CERS3: variants seen among roughly 807,000 people sequenced by gnomAD.
CERS3 encodes ceramide synthase 3, also known as LAG1 homolog, ceramide synthase 3.
CERS3 carries 33 observed loss-of-function variants against 50.3 expected under a neutral mutation model. That is an observed-to-expected ratio of 0.66 (90% CI 0.50 to 0.88). The LOEUF (loss-of-function observed/expected upper bound fraction) is 0.88. CERS3 is among the 40% of genes least tolerant of loss of function. The probability of loss-of-function intolerance (pLI) is 0.00; values close to 1 mark genes in which losing one functional copy is unlikely to be tolerated. For missense variants in CERS3, 470 were observed against 460.3 expected (o/e 1.02, Z -0.19); for synonymous variants, 176 against 155.2 (o/e 1.13, Z -0.99).
At chr15:100,497,302 A>ATGTGTGTGTGTGTG (rs1236454887) in intron 3 of CERS3, among the ~76,000 whole-genome samples, 1 of 133,524 alleles carries the variant, frequency 7.5e-6, no homozygotes, top group African/African-American at 2.8e-5. Flanking sequence ...GAGAGCATAT[A>ATGTGTGTGTGTGTG]TGTATGTGTG....
chr15:100,474,349 T>C lies in CERS3; in HGVS notation c.610-1297A>G, dbSNP rs146279177. 2.8e-3 allele frequency among the ~76,000 whole-genome samples: 431 copies of C among 152,296 alleles called. 1 individual carries two copies. Among genetic ancestry groups the C allele is most frequent in the Non-Finnish European group, 5.4e-3 (368 of 68,028 alleles). ...TCAGCTTCCTCATAGCCAAAGTAAATACAATACCAATAATAGCTCAATTTA... is the reference window on the plus strand; with the variant it reads ...TCAGCTTCCTCATAGCCAAAGTAAACACAATACCAATAATAGCTCAATTTA... On this transcript the variant is annotated intron_variant, in intron 8 of 11. Coordinates refer to ENST00000679737, the MANE Select transcript of CERS3 (RefSeq NM_001378789.1).
rs1169074112 is a variant in CERS3 at position 100,401,100 on chromosome 15, C to T, written c.*1613G>A. 6.6e-6 allele frequency: 1 copy of T among 152,138 alleles called. No homozygotes were observed. Among genetic ancestry groups the T allele is most frequent in the Non-Finnish European group, 1.5e-5 (1 of 68,044 alleles). 9.4% of individuals were successfully genotyped at this position (152,138 alleles called of 1,614,324 possible). On this transcript the variant is annotated 3_prime_UTR_variant, in exon 12 of 12. Coordinates refer to ENST00000679737, the MANE Select transcript of CERS3 (RefSeq NM_001378789.1). ...AACGCAGTCTGTTCTGTGCAGTGTC[C>T]TTCCGGCTCCAGGGGCCCTGCAGCT... is the stretch of plus-strand genomic sequence containing the variant.
At chr15:100,414,177 C>T (rs2031713769) in intron 11 of CERS3, among the ~76,000 whole-genome samples, 1 of 152,112 alleles carries the variant, frequency 6.6e-6, no homozygotes, top group Admixed American at 6.5e-5. Context: ...CTGTCATTCA[C>T]AATTGCTACA....
chr15:100,497,306 ATGTGTG>A (rs139734142), intron 3 of CERS3, among the ~76,000 whole-genome samples: 24 of 145,948 alleles, frequency 1.6e-4, no homozygotes, highest in East Asian at 8.1e-4. Flanking sequence ...GCATATATGT[ATGTGTG>A]TGTGTGTGTG....
At chr15:100,512,926 CA>C (rs2036388516) in intron 2 of CERS3, among the ~76,000 whole-genome samples, 3 of 152,144 alleles carry the variant, frequency 2.0e-5, no homozygotes, top group African/African-American at 7.2e-5. Flanking sequence ...CTTTTGCTCC[CA>C]CTGATTCCAA....
chr15:100,451,810 A>C (rs954371666), intron 11 of CERS3, among the ~76,000 whole-genome samples: 1 of 152,210 alleles, frequency 6.6e-6, no homozygotes, highest in African/African-American at 2.4e-5. Flanking sequence ...GGAAACCAAA[A>C]GCAAGCAGAA....
chr15:100,483,215 G>A (rs567762649), intron 5 of CERS3, among the ~76,000 whole-genome samples: 4 of 152,134 alleles, frequency 2.6e-5, no homozygotes, highest in South Asian at 2.1e-4. Context: ...AAATTCCCAC[G>A]ACACATCTAA....
intron 1 of CERS3, among the ~76,000 whole-genome samples, chr15:100,536,422 C>A (rs145491259): frequency 1.3e-5 from 2 of 152,080 alleles, no homozygotes; most frequent in South Asian, 4.2e-4. Flanking sequence ...GTAGCTGGGA[C>A]GACAGGCACA....
intron 2 of CERS3, among the ~76,000 whole-genome samples, chr15:100,514,261 A>AT: frequency 6.6e-6 from 1 of 152,312 alleles, no homozygotes; most frequent in Non-Finnish European, 1.5e-5. Context: ...ATACCATGAA[A>AT]TTGCCCTTCT....
At chr15:100,417,098 A>T (rs2031972872) in intron 11 of CERS3, among the ~76,000 whole-genome samples, 1 of 152,226 alleles carries the variant, frequency 6.6e-6, no homozygotes, top group Non-Finnish European at 1.5e-5. Context: ...CCGAATAGGA[A>T]CAGCTCTGGT....
At chr15:100,537,643 T>C (rs527731118) in intron 1 of CERS3, among the ~76,000 whole-genome samples, 1 of 152,326 alleles carries the variant, frequency 6.6e-6, no homozygotes, top group East Asian at 1.9e-4. Context: ...TGGGGGAAAC[T>C]GCCCTCATGA....
intron 2 of CERS3, among the ~76,000 whole-genome samples, 170 bp from the exon 3 acceptor site, chr15:100,502,020 G>C (rs1221225483): frequency 6.6e-6 from 1 of 152,054 alleles, no homozygotes; most frequent in Non-Finnish European, 1.5e-5. Context: ...ACCAAGGCGG[G>C]CGGATCATGA....
At chr15:100,446,138 C>A (rs1596676513) in intron 11 of CERS3, among the ~76,000 whole-genome samples, 2 of 152,176 alleles carry the variant, frequency 1.3e-5, no homozygotes, top group Admixed American at 1.3e-4. Context: ...CACCCAGGTG[C>A]AATAAACAGC....
intron 11 of CERS3, among the ~76,000 whole-genome samples, chr15:100,413,218 A>C (rs2031622071): frequency 6.6e-6 from 1 of 152,198 alleles, no homozygotes; most frequent in Non-Finnish European, 1.5e-5. Flanking sequence ...TCACAGCTTG[A>C]AAGTCCCACA....
intron 10 of CERS3, among the ~76,000 whole-genome samples, chr15:100,460,666 C>A (rs1343859328): frequency 6.6e-6 from 1 of 152,186 alleles, no homozygotes; most frequent in African/African-American, 2.4e-5. Flanking sequence ...CACTAGCAGG[C>A]AAGCTTTCCA....
chr15:100,465,153 G>A (rs1199538777), intron 10 of CERS3, among the ~76,000 whole-genome samples: 1 of 151,990 alleles, frequency 6.6e-6, no homozygotes, highest in Non-Finnish European at 1.5e-5. Flanking sequence ...TGCAACAAAA[G>A]CAGCTGGAAA....
At chr15:100,513,704 G>A (rs1057160058) in intron 2 of CERS3, among the ~76,000 whole-genome samples, 1 of 151,764 alleles carries the variant, frequency 6.6e-6, no homozygotes, top group African/African-American at 2.4e-5. Context: ...CACCCAGCTA[G>A]TTTTTCATTT....
chr15:100,408,461 C>G (rs567460783), intron 11 of CERS3: 1 of 152,160 alleles, frequency 6.6e-6, no homozygotes, highest in South Asian at 2.1e-4. Context: ...ACATTTCACA[C>G]ATGAAATGCA....
chr15:100,409,403 C>T lies in CERS3; in HGVS notation c.1000-6538G>A, dbSNP rs145474730. Among the ~76,000 whole-genome samples the T allele has an allele frequency of 2.3e-3, 348 of 151,776 alleles. 4 individuals carry two copies. Among genetic ancestry groups the T allele is most frequent in the Admixed American group, 0.016 (246 of 15,222 alleles). On this transcript the variant is annotated intron_variant, in intron 11 of 11. Coordinates refer to ENST00000679737, the MANE Select transcript of CERS3 (RefSeq NM_001378789.1). ...TTTGAAAAACACTGGCTAAGGTATG[C>T]TAGAAAAATGAGGTTTTTCTAATCA...
Sources: gnomAD v4.1 joint callset for allele counts (sites outside exome capture counted in the v4.1 genomes callset) on GRCh38, gnomAD v4.1.1 for gene constraint, MANE v1.5 for transcripts, NCBI Gene and HGNC (gene_info 2026-07-23, HGNC 2026-07-21) for gene names.